SLCO3A1: variants seen among roughly 807,000 people sequenced by gnomAD.
The protein encoded by SLCO3A1 is PGE1 transporter.
A neutral mutation model predicts 63.1 loss-of-function variants in SLCO3A1; 27 were observed. That is an observed-to-expected ratio of 0.43 (90% CI 0.32 to 0.59). The LOEUF (loss-of-function observed/expected upper bound fraction) is 0.59, where lower values mean the gene tolerates loss of function less well. Ranked by LOEUF, SLCO3A1 falls within the 20% of genes least tolerant of loss-of-function variation. The pLI is 0.09. For synonymous variants in SLCO3A1, 473 were observed against 409.9 expected (o/e 1.15, Z -1.86); for missense variants, 773 against 945.8 (o/e 0.82, Z 2.40).
chr15:91,876,313 G>A (rs539247542), intron 1 of SLCO3A1, among the ~76,000 whole-genome samples: 3 of 152,234 alleles, frequency 2.0e-5, no homozygotes, highest in East Asian at 1.9e-4. Context: ...CTCAATAAAC[G>A]CTAGTGACTG....
At position 91,916,273 on chromosome 15, in the gene SLCO3A1, G is replaced by C. The variant is rs765137263; in HGVS notation, c.461G>C (p.Gly154Ala). The change falls in exon 2 of 10, where the codon GGC (glycine) becomes GCC (alanine). Residue 154 changes from glycine to alanine, a missense_variant. Gly to Ala is a moderately conservative substitution (Grantham distance 60). Coordinates refer to ENST00000318445, the MANE Select transcript of SLCO3A1 (RefSeq NM_013272.4). This position sits in a 1 kb window ranked among gnomAD's most constrained non-coding sequence, Gnocchi z 6.2. Reference sequence around the variant, plus strand: ...GGCCGCGACGTCTGCGCAGCCAACGGCTCGGGCGGCGACGAGGGGCCCGAC... The same window carrying C: ...GGCCGCGACGTCTGCGCAGCCAACGCCTCGGGCGGCGACGAGGGGCCCGAC... ...AEGRDVCAAN[G>A]SGGDEGPDPD... is the part of the protein sequence containing the mutation. The C allele has an allele frequency of 6.4e-7, 1 of 1,550,864 alleles. No individual in the cohort carries two copies. The highest frequency in any genetic ancestry group is 8.7e-7 in the Non-Finnish European group (1 of 1,150,636).
intron 4 of SLCO3A1, among the ~76,000 whole-genome samples, chr15:92,109,105 C>T (rs948807801): frequency 1.3e-5 from 2 of 152,134 alleles, no homozygotes; most frequent in Admixed American, 6.5e-5. Context: ...TATGTATAGA[C>T]ATGGACGCAT....
chr15:92,042,142 T>G (rs915395849), intron 2 of SLCO3A1, among the ~76,000 whole-genome samples: 3 of 152,176 alleles, frequency 2.0e-5, no homozygotes, highest in Admixed American at 2.0e-4. Flanking sequence ...GTTTCAGTAG[T>G]TGATGCTGTT....
intron 1 of SLCO3A1, among the ~76,000 whole-genome samples, chr15:91,905,079 G>A (rs1898261270): frequency 6.6e-6 from 1 of 152,170 alleles, no homozygotes; most frequent in Admixed American, 6.5e-5. Context: ...CCACATCATT[G>A]CTCTCACATG....
intron 1 of SLCO3A1, among the ~76,000 whole-genome samples, chr15:91,870,970 A>T (rs972884801): frequency 1.3e-5 from 2 of 151,632 alleles, no homozygotes; most frequent in Non-Finnish European, 2.9e-5. Flanking sequence ...TTTGGGGGGT[A>T]TCTTTCTCTG....
At chr15:92,111,411 C>T (rs544089629) in intron 4 of SLCO3A1, among the ~76,000 whole-genome samples, 9 of 152,216 alleles carry the variant, frequency 5.9e-5, no homozygotes, top group African/African-American at 1.9e-4. Flanking sequence ...TGCACTCTGT[C>T]CTCAGAACCA....
Position 91,916,039 on chromosome 15 carries a change from C to G in SLCO3A1, c.227C>G (p.Ala76Gly), listed in dbSNP as rs1262474641. Residue 76 changes from alanine to glycine, a missense_variant, in exon 2 of 10, where the codon GCT (alanine) becomes GGT (glycine). Transcript: ENST00000318445. The surrounding 1 kb of genome is among the most constrained non-coding windows in gnomAD (Gnocchi z 6.2). ...GAGCGTAGGTTCAACCTGCAGAGCG[C>G]TGACGTGGGTGTGATCGCTAGCAGC... ...TLERRFNLQS[A>G]DVGVIASSFE... is the part of the protein sequence containing the mutation. 2 of 1,613,498 alleles carry G rather than the reference C, an allele frequency of 1.2e-6. No individual in the cohort carries two copies. The highest frequency in any genetic ancestry group is 2.2e-5 in the South Asian group (2 of 91,060).
chr15:91,988,544 G>A (rs1049402222), intron 2 of SLCO3A1, among the ~76,000 whole-genome samples: 6 of 150,800 alleles, frequency 4.0e-5, no homozygotes, highest in East Asian at 2.0e-4. Flanking sequence ...AAAAGGAAAC[G>A]TGCAGATCAA....
intron 2 of SLCO3A1, among the ~76,000 whole-genome samples, chr15:91,931,801 G>GCACACACACACACACA (rs747533145): frequency 6.7e-6 from 1 of 149,770 alleles, no homozygotes; most frequent in Non-Finnish European, 1.5e-5. Context: ...ACACACACAC[G>GCACACACACACACACA]CACACACACA....
Position 92,128,373 on chromosome 15 carries a change from G to A in SLCO3A1, c.1396G>A (p.Asp466Asn), listed in dbSNP as rs368726551. 14 of 1,613,994 alleles carry A rather than the reference G, an allele frequency of 8.7e-6. No individual in the cohort carries two copies. The highest frequency in any genetic ancestry group is 1.1e-5 in the Non-Finnish European group (13 of 1,180,014). ...CAGCACAGCACCTGGCTCAGCCCTG[G>A]ACCCCTACTCGCCCTGCAATAATAA... is the stretch of plus-strand genomic sequence containing the variant. ...GNSTAPGSAL[D>N]PYSPCNNNCE... Residue 466 changes from aspartate (D) to asparagine (N), a missense_variant, in exon 7 of 10, where the codon GAC becomes AAC. Coordinates refer to ENST00000318445, the MANE Select transcript of SLCO3A1 (RefSeq NM_013272.4).
chr15:91,953,609 C>A (rs755506466), intron 2 of SLCO3A1, among the ~76,000 whole-genome samples: 2 of 152,142 alleles, frequency 1.3e-5, no homozygotes, highest in Non-Finnish European at 2.9e-5. Context: ...CTGCGCGAAG[C>A]CTGGTATGAT....
chr15:92,042,227 A>C (rs1036948247), intron 2 of SLCO3A1, among the ~76,000 whole-genome samples: 1 of 152,170 alleles, frequency 6.6e-6, no homozygotes, highest in Non-Finnish European at 1.5e-5. Context: ...GCTACCATTT[A>C]ACATTCACAC....
chr15:92,148,633 A>G (rs2036508338), intron 8 of SLCO3A1: 1 of 152,252 alleles, frequency 6.6e-6, no homozygotes, highest in Non-Finnish European at 1.5e-5. Flanking sequence ...TCAAAAAAGC[A>G]ATATGACAGT....
In SLCO3A1 at chr15:91,950,622, A is replaced by T. The variant is rs1330533409; in HGVS notation, c.646+34164A>T. ...CCTAGTTCTTACCTAATTTCTCTTC[A>T]ATTTCTCATGCACTGCATCTTCCCG... On this transcript the variant is annotated intron_variant, in intron 2 of 9. Transcript: ENST00000318445. This position sits in a 1 kb window ranked among gnomAD's most constrained non-coding sequence, Gnocchi z 4.4. 6.6e-6 allele frequency among the ~76,000 whole-genome samples: 1 copy of T among 152,064 alleles called. No individual in the cohort carries two copies. The highest frequency in any genetic ancestry group is 1.5e-5 in the Non-Finnish European group (1 of 68,000).
At chr15:92,133,984 T>G (rs559280808) in intron 7 of SLCO3A1, among the ~76,000 whole-genome samples, 3 of 152,286 alleles carry the variant, frequency 2.0e-5, no homozygotes, top group Admixed American at 2.0e-4. Context: ...CCTGAAGATA[T>G]ATTTAATGTG....
At chr15:91,927,415 G>C (rs189637957) in intron 2 of SLCO3A1, among the ~76,000 whole-genome samples, 1 of 152,162 alleles carries the variant, frequency 6.6e-6, no homozygotes, top group Admixed American at 6.5e-5. Flanking sequence ...AAGACTCACT[G>C]TTGGGGCAAT....
At chr15:91,955,753 C>G (rs1049827860) in intron 2 of SLCO3A1, among the ~76,000 whole-genome samples, 3 of 152,194 alleles carry the variant, frequency 2.0e-5, no homozygotes, top group Non-Finnish European at 4.4e-5. Flanking sequence ...TCTTCATGGC[C>G]ATCATGTCTT....
At chr15:91,974,169 C>T (rs1424088089) in intron 2 of SLCO3A1, among the ~76,000 whole-genome samples, 1 of 151,942 alleles carries the variant, frequency 6.6e-6, no homozygotes, top group Non-Finnish European at 1.5e-5. Flanking sequence ...GCCTGGGGTC[C>T]AACAGTAAGG....
In SLCO3A1 at chr15:92,165,556, A is replaced by C. The variant is rs1036200998; in HGVS notation, c.*2421A>C. 2 of 984,562 alleles carry C rather than the reference A, an allele frequency of 2.0e-6. No individual in the cohort carries two copies. The highest frequency in any genetic ancestry group is 2.4e-6 in the Non-Finnish European group (2 of 829,258). The allele number at this position is 984,562 out of a possible 1,614,324, so 61.0% of individuals were successfully genotyped here. A position where few individuals can be genotyped will look rare whatever the true frequency, so the allele number is the denominator to read the frequency against. On this transcript the variant is annotated 3_prime_UTR_variant, in exon 10 of 10. Coordinates refer to ENST00000318445, the MANE Select transcript of SLCO3A1 (RefSeq NM_013272.4). ...CTTTGCATTTTGGATTTTTTTTCCT[A>C]AGATTTTAGGATGAATGTGAAAAAG...
Sources: allele counts gnomAD v4.1 joint callset (sites outside exome capture counted in the v4.1 genomes callset), GRCh38; gene constraint gnomAD v4.1.1; non-coding constraint Gnocchi (gnomAD v3.1); transcripts MANE v1.5; gene names NCBI Gene and HGNC (gene_info 2026-07-23, HGNC 2026-07-21).